Variants in HDX observed in about 807,000 individuals in gnomAD.
The protein encoded by HDX is chromosome X open reading frame 43.
A neutral mutation model predicts 45.2 loss-of-function variants in HDX; 19 were observed. The observed-to-expected ratio is 0.42, with a 90% CI of 0.29 to 0.62. The LOEUF (loss-of-function observed/expected upper bound fraction) is 0.62. Among genes scored for constraint, HDX ranks in the 20% least tolerant of loss-of-function variants. The probability of loss-of-function intolerance (pLI) is 0.20; values close to 1 mark genes in which losing one functional copy is unlikely to be tolerated. For synonymous variants in HDX, 188 were observed against 172.8 expected (o/e 1.09, Z -0.69); for missense variants, 532 against 493.9 (o/e 1.08, Z -0.73).
intron 6 of HDX, among the ~76,000 whole-genome samples, chrX:84,355,883 T>C (rs1269986606): frequency 1.9e-5 from 2 of 102,877 alleles, no homozygotes; most frequent in African/African-American, 7.2e-5. Flanking sequence ...TAAAGGAATG[T>C]AGCAGGACAA....
At chrX:84,379,356 G>A in intron 5 of HDX, among the ~76,000 whole-genome samples, 1 of 110,346 alleles carries the variant, frequency 9.1e-6, no homozygotes, top group African/African-American at 3.3e-5. Context: ...AGAAACATTA[G>A]ACTTGATCTG....
At chrX:84,344,996 T>C (rs2037166689) in intron 6 of HDX, among the ~76,000 whole-genome samples, 1 of 111,141 alleles carries the variant, frequency 9.0e-6, no homozygotes, top group African/African-American at 3.3e-5. Flanking sequence ...ATTCATATCC[T>C]ATTTCCAATC....
At chrX:84,353,820 G>A (rs1315406477) in intron 6 of HDX, among the ~76,000 whole-genome samples, 1 of 110,952 alleles carries the variant, frequency 9.0e-6, no homozygotes, top group Non-Finnish European at 1.9e-5. Context: ...AAAATATCAG[G>A]GATATAAAAC....
At chrX:84,376,151 C>T (rs2038051250) in intron 5 of HDX, among the ~76,000 whole-genome samples, 1 of 111,987 alleles carries the variant, frequency 8.9e-6, no homozygotes, top group African/African-American at 3.2e-5. Context: ...GAACTGTTGC[C>T]TTGCAGAAAA....
rs1431087103 is a variant in HDX, at chrX:84,502,440, C to G, written c.-208G>C. ...CGAGATTTTTCCTGGGTCTCCAGTGCCGCTTCAGACAATGAAATCAGCGTG... is the reference window on the plus strand; with the variant it reads ...CGAGATTTTTCCTGGGTCTCCAGTGGCGCTTCAGACAATGAAATCAGCGTG... On this transcript the variant is annotated 5_prime_UTR_variant, in exon 1 of 11. Coordinates refer to ENST00000373177, the MANE Select transcript of HDX (RefSeq NM_001177479.2). The G allele has an allele frequency of 1.8e-5, 2 of 111,680 alleles. No individual in the cohort carries two copies. Among genetic ancestry groups the G allele is most frequent in the Non-Finnish European group, 3.8e-5 (2 of 53,137 alleles). 9.2% of individuals were successfully genotyped at this position (111,680 alleles called of 1,213,427 possible).
intron 5 of HDX, among the ~76,000 whole-genome samples, chrX:84,428,899 C>T (rs146640108): frequency 0.015 from 1,657 of 109,888 alleles, 27 homozygotes; most frequent in African/African-American, 0.052. Flanking sequence ...ATATAGTGCG[C>T]GCTATGGACC....
intron 6 of HDX, among the ~76,000 whole-genome samples, chrX:84,349,508 T>C (rs1329677827): frequency 1.0e-5 from 1 of 96,977 alleles, no homozygotes; most frequent in African/African-American, 3.8e-5. Context: ...GTTACATATA[T>C]GTATAAATGT....
intron 5 of HDX, among the ~76,000 whole-genome samples, chrX:84,419,847 T>C (rs1490852643): frequency 8.9e-6 from 1 of 111,849 alleles, no homozygotes; most frequent in East Asian, 2.8e-4. Flanking sequence ...TGGGAGAAAG[T>C]AAGGCAAGAG....
chrX:84,470,666 G>A (rs919797390), intron 3 of HDX, among the ~76,000 whole-genome samples: 1 of 110,430 alleles, frequency 9.1e-6, no homozygotes, highest in Non-Finnish European at 1.9e-5. Flanking sequence ...ACTAGTGGTT[G>A]GTGTTTAGGA....
chrX:84,414,588 G>A (rs1041932724), intron 5 of HDX, among the ~76,000 whole-genome samples: 12 of 96,348 alleles, frequency 1.2e-4, no homozygotes, highest in African/African-American at 3.7e-4. Flanking sequence ...TTTTAAAGGT[G>A]TTCTTACTAA....
intron 6 of HDX, among the ~76,000 whole-genome samples, chrX:84,349,405 G>A (rs371428213): frequency 6.3e-4 from 15 of 23,969 alleles, no homozygotes; most frequent in South Asian, 1.9e-3. Context: ...ATATATATAT[G>A]TGTGTGTGTG....
chrX:84,354,710 C>G (rs1262311365), intron 6 of HDX, among the ~76,000 whole-genome samples: 3 of 108,303 alleles, frequency 2.8e-5, no homozygotes, highest in Non-Finnish European at 5.7e-5. Flanking sequence ...AAAGTTTTTT[C>G]CAAATTTACC....
chrX:84,367,153 G>GA (rs138146847), intron 5 of HDX, among the ~76,000 whole-genome samples: 12,067 of 110,225 alleles, frequency 0.11, 631 homozygotes, highest in East Asian at 0.28. Flanking sequence ...AAATTTACAA[G>GA]AAAAAATCAA....
intron 10 of HDX, 31 bp from the exon 11 acceptor site, chrX:84,322,045 G>C: frequency 4.0e-6 from 4 of 1,007,497 alleles, no homozygotes; most frequent in Non-Finnish European, 5.3e-6. Context: ...TTTTGGATTA[G>C]TATGTGGATA....
chrX:84,420,767 C>A (rs1451623797), intron 5 of HDX, among the ~76,000 whole-genome samples: 1 of 108,874 alleles, frequency 9.2e-6, no homozygotes, highest in Non-Finnish European at 1.9e-5. Flanking sequence ...AAATAACATA[C>A]AATGGAGCTC....
chrX:84,480,183 G>A (rs985564125), intron 2 of HDX, among the ~76,000 whole-genome samples: 1 of 111,326 alleles, frequency 9.0e-6, no homozygotes, highest in East Asian at 2.8e-4. Context: ...ACATACAATT[G>A]ATCTTGGTAC....
At chrX:84,352,659 A>G (rs950953012) in intron 6 of HDX, among the ~76,000 whole-genome samples, 1 of 111,643 alleles carries the variant, frequency 9.0e-6, no homozygotes, top group Non-Finnish European at 1.9e-5. Context: ...GTGATTTTAT[A>G]ATGTACAATT....
chrX:84,432,648 T>C (rs2148038862), intron 5 of HDX, among the ~76,000 whole-genome samples: 1 of 111,089 alleles, frequency 9.0e-6, no homozygotes, highest in East Asian at 2.8e-4. Flanking sequence ...TGTATAGAAA[T>C]GTTATTGATT....
Position 84,361,560 on chromosome X carries a change from T to C in HDX, c.1358A>G (p.Tyr453Cys). Reference protein sequence around the residue: ...SDRDLATLKKYWDNGMTSLGS... With the variant: ...SDRDLATLKKCWDNGMTSLGS... Reference sequence around the variant, plus strand: ...CAGGCTGGTCATGCCATTGTCCCAATACTTCTTAAGGGTGGCTAAGTCTCG... The same window carrying C: ...CAGGCTGGTCATGCCATTGTCCCAACACTTCTTAAGGGTGGCTAAGTCTCG... Residue 453 changes from tyrosine to cysteine, a missense_variant, in exon 6 of 11, where the codon TAT (tyrosine) becomes TGT (cysteine). Coordinates refer to ENST00000373177, the MANE Select transcript of HDX (RefSeq NM_001177479.2). 8.3e-7 allele frequency: 1 copy of C among 1,204,922 alleles called. No homozygotes were observed. Among genetic ancestry groups the C allele is most frequent in the Non-Finnish European group, 1.1e-6 (1 of 890,200 alleles).
Sources: gnomAD v4.1 joint callset for allele counts (sites outside exome capture counted in the v4.1 genomes callset) on GRCh38, gnomAD v4.1.1 for gene constraint, MANE v1.5 for transcripts, NCBI Gene and HGNC (gene_info 2026-07-23, HGNC 2026-07-21) for gene names.